SLAIN1: variants seen among roughly 807,000 people sequenced by gnomAD.
The protein encoded by SLAIN1 is SLAIN family member 1.
A neutral mutation model predicts 55.4 loss-of-function variants in SLAIN1; 17 were observed. That is an observed-to-expected ratio of 0.31 (90% confidence interval 0.21 to 0.46). The LOEUF (loss-of-function observed/expected upper bound fraction) is 0.46, where lower values mean the gene tolerates loss of function less well. SLAIN1 is among the 20% of genes least tolerant of loss of function. SLAIN1 has a pLI of 1.00. For synonymous variants in SLAIN1, 348 were observed against 337.4 expected, an observed-to-expected ratio of 1.03 and a Z score of -0.35; for missense variants, 682 against 785.1, an observed-to-expected ratio of 0.87 and a Z score of 1.57.
At chr13:77,707,378 G>A (rs959576920) in intron 1 of SLAIN1, among the ~76,000 whole-genome samples, 1 of 151,974 alleles carries the variant, frequency 6.6e-6, no homozygotes, top group Non-Finnish European at 1.5e-5. Flanking sequence ...GTGTGTGAAT[G>A]TAACATTTTC....
intron 2 of SLAIN1, chr13:77,741,576 C>T (rs1252786337): frequency 4.4e-6 from 1 of 225,054 alleles, no homozygotes; most frequent in Non-Finnish European, 7.5e-6. Context: ...CTTCCACATA[C>T]TTAAGGAAAA....
At chr13:77,741,274 T>G (rs1873416532) in intron 2 of SLAIN1, 1 of 987,276 alleles carries the variant, frequency 1.0e-6, no homozygotes, top group Admixed American at 6.2e-5. Flanking sequence ...ATGAGAAACT[T>G]TGAATAATAG....
intron 1 of SLAIN1, among the ~76,000 whole-genome samples, chr13:77,703,449 T>A (rs921499525): frequency 6.6e-6 from 1 of 152,110 alleles, no homozygotes; most frequent in Non-Finnish European, 1.5e-5. Flanking sequence ...GCTTCCCTTT[T>A]TGACAGTGCT....
chr13:77,744,440 T>A lies in SLAIN1; in HGVS notation c.916+8T>A, dbSNP rs2154410422. 1.9e-6 allele frequency: 3 copies of A among 1,609,682 alleles called. No homozygotes were observed. Among genetic ancestry groups the A allele is most frequent in the Non-Finnish European group, 2.5e-6 (3 of 1,179,178 alleles). ...CTCGTCTGCAAGAAGAAAGTATGTG[T>A]TCTTTCTAAACTAGCAAAATGAGGC... On this transcript the variant is annotated splice_region_variant and intron_variant, in intron 3 of 6. Coordinates refer to ENST00000418532, the MANE Select transcript of SLAIN1 (RefSeq NM_001242868.2).
At chr13:77,700,792 T>G (rs1190960938) in intron 1 of SLAIN1, among the ~76,000 whole-genome samples, 3 of 152,022 alleles carry the variant, frequency 2.0e-5, no homozygotes, top group Non-Finnish European at 4.4e-5. Flanking sequence ...ACAACTGGAG[T>G]GGGTATATAG....
chr13:77,750,163 C>A (rs1013870685), intron 4 of SLAIN1, among the ~76,000 whole-genome samples: 2 of 151,952 alleles, frequency 1.3e-5, no homozygotes, highest in African/African-American at 4.8e-5. Flanking sequence ...TCTTGTTTAG[C>A]AAAGCAAACA....
intron 6 of SLAIN1, among the ~76,000 whole-genome samples, chr13:77,761,797 A>T (rs900383721): frequency 1.3e-5 from 2 of 151,984 alleles, no homozygotes; most frequent in East Asian, 1.9e-4. Flanking sequence ...CTTGGTCATG[A>T]TGTTCCCTTC....
intron 1 of SLAIN1, among the ~76,000 whole-genome samples, chr13:77,718,710 C>G (rs2091232106): frequency 6.6e-6 from 1 of 152,060 alleles, no homozygotes; most frequent in East Asian, 1.9e-4. Context: ...GTATTAGAGC[C>G]AGCAGTTTTG....
chr13:77,707,485 C>T (rs1289259587), intron 1 of SLAIN1, among the ~76,000 whole-genome samples: 5 of 152,104 alleles, frequency 3.3e-5, no homozygotes, highest in Admixed American at 1.3e-4. Flanking sequence ...CTTTTAGTCT[C>T]AGTGTTTCAT....
chr13:77,745,676 T>C (rs897154856), intron 3 of SLAIN1, among the ~76,000 whole-genome samples: 1 of 152,170 alleles, frequency 6.6e-6, no homozygotes, highest in Non-Finnish European at 1.5e-5. Flanking sequence ...TCAGAATTAG[T>C]CAAGGCTTCT....
chr13:77,762,287 A>C (rs1014362672), intron 6 of SLAIN1, among the ~76,000 whole-genome samples: 3 of 152,228 alleles, frequency 2.0e-5, no homozygotes, highest in Admixed American at 2.0e-4. Flanking sequence ...TTTATCCTTG[A>C]CTATGTGTCT....
At position 77,700,526 on chromosome 13, in the gene SLAIN1, A is replaced by G. The variant is rs575778659; in HGVS notation, c.626+1987A>G. Among the ~76,000 whole-genome samples, 4 of 152,356 alleles carry G rather than the reference A, an allele frequency of 2.6e-5. No homozygotes were observed. The South Asian group carries it at 8.3e-4, about 32-fold the overall frequency. ...TAAAAATTTTAAAGTTACCTGATTT[A>G]CATAATTTTATTATTACATTTTATG... On this transcript the variant is annotated intron_variant, in intron 1 of 6. Coordinates refer to ENST00000418532, the MANE Select transcript of SLAIN1 (RefSeq NM_001242868.2).
At chr13:77,720,696 A>G (rs777629951) in intron 2 of SLAIN1, among the ~76,000 whole-genome samples, 9 of 152,186 alleles carry the variant, frequency 5.9e-5, no homozygotes, top group Non-Finnish European at 1.2e-4. Context: ...CAGGGTTACA[A>G]GGCAGAATGA....
chr13:77,745,213 T>C (rs1873731912), intron 3 of SLAIN1, among the ~76,000 whole-genome samples: 1 of 151,764 alleles, frequency 6.6e-6, no homozygotes. Flanking sequence ...AGCTTAATAC[T>C]CTCTCTATCT....
At chr13:77,720,496 C>T (rs899083241) in intron 2 of SLAIN1, among the ~76,000 whole-genome samples, 6 of 152,156 alleles carry the variant, frequency 3.9e-5, no homozygotes, top group South Asian at 2.1e-4. Flanking sequence ...TATTTGAGAA[C>T]GCTGCCCATG....
chr13:77,725,159 T>C (rs1029875917), intron 2 of SLAIN1, among the ~76,000 whole-genome samples: 1 of 152,214 alleles, frequency 6.6e-6, no homozygotes, highest in Non-Finnish European at 1.5e-5. Flanking sequence ...AACATTTTCC[T>C]TATTAGCCAC....
intron 2 of SLAIN1, among the ~76,000 whole-genome samples, chr13:77,735,301 G>A (rs995401398): frequency 6.6e-6 from 1 of 152,080 alleles, no homozygotes; most frequent in Non-Finnish European, 1.5e-5. Flanking sequence ...AATTCTTACT[G>A]AAGTGTCCTT....
At position 77,760,986 on chromosome 13, in the gene SLAIN1, G is replaced by A; in HGVS notation, c.1573G>A (p.Gly525Arg). 1 of 1,614,162 alleles carries A rather than the reference G, an allele frequency of 6.2e-7. No individual in the cohort carries two copies. The highest frequency in any genetic ancestry group is 8.5e-7 in the Non-Finnish European group (1 of 1,180,028). The change falls in exon 6 of 7, where the codon GGA becomes AGA. Residue 525 changes from glycine (G) to arginine (R), a missense_variant. Coordinates refer to ENST00000418532, the MANE Select transcript of SLAIN1 (RefSeq NM_001242868.2). ...CGGCTTACAGCTGTATTCCAACACAGGAATCCCCACACCGAACAAAGCTGC... is the reference window on the plus strand; with the variant it reads ...CGGCTTACAGCTGTATTCCAACACAAGAATCCCCACACCGAACAAAGCTGC... ...SNGLQLYSNT[G>R]IPTPNKAAAS...
At chr13:77,753,043 G>T (rs1446881057) in intron 4 of SLAIN1, among the ~76,000 whole-genome samples, 160 bp from the exon 5 acceptor site, 1 of 152,130 alleles carries the variant, frequency 6.6e-6, no homozygotes, top group African/African-American at 2.4e-5. Flanking sequence ...TGGTTGGGAA[G>T]GGTGTTTTCC....
Sources: gnomAD v4.1 joint callset for allele counts (sites outside exome capture counted in the v4.1 genomes callset) on GRCh38, gnomAD v4.1.1 for gene constraint, MANE v1.5 for transcripts, NCBI Gene and HGNC (gene_info 2026-07-23, HGNC 2026-07-21) for gene names.